Variants in RASAL2 observed in about 807,000 individuals in gnomAD.
RASAL2 encodes ras GTPase-activating protein nGAP.
Under a neutral mutation model 128.9 loss-of-function variants are expected in RASAL2, and 58 were observed. That is an observed-to-expected ratio of 0.45 (90% CI 0.36 to 0.56). The LOEUF (loss-of-function observed/expected upper bound fraction) is 0.56, where lower values mean the gene tolerates loss of function less well. RASAL2 is among the 20% of genes least tolerant of loss of function. The probability of loss-of-function intolerance (pLI) is 0.00; values close to 1 mark genes in which losing one functional copy is unlikely to be tolerated. For missense variants in RASAL2, 1,360 were observed against 1,601.6 expected, an observed-to-expected ratio of 0.85 and a Z score of 2.57; for synonymous variants, 561 against 580.8, an observed-to-expected ratio of 0.97 and a Z score of 0.49.
At chr1:178,200,249 G>A (rs1164327368) in intron 1 of RASAL2, among the ~76,000 whole-genome samples, 2 of 152,150 alleles carry the variant, frequency 1.3e-5, no homozygotes, top group African/African-American at 4.8e-5. Flanking sequence ...TCTGGAGTTG[G>A]CTGCTTAATA....
chr1:178,380,005 G>T (rs6701732), intron 3 of RASAL2, among the ~76,000 whole-genome samples: 41 of 152,208 alleles, frequency 2.7e-4, no homozygotes, highest in African/African-American at 8.9e-4. Context: ...CCCCCTACCC[G>T]TAGTAGCTGG....
chr1:178,269,692 AC>A lies in RASAL2; in HGVS notation c.203-13871del, dbSNP rs1380001498. 2.0e-4 allele frequency among the ~76,000 whole-genome samples: 30 copies of A among 152,356 alleles called. No individual in the cohort carries two copies. The East Asian group carries it at 5.0e-3, about 26-fold the overall frequency. On this transcript the variant is annotated intron_variant, in intron 1 of 17. Coordinates refer to ENST00000367649, the MANE Select transcript of RASAL2 (RefSeq NM_170692.4). Reference sequence around the variant, plus strand: ...CATGACAACGTACCCTATATGGTCCACAAAGGGGAGGCATGAATAATCTACC... The same window carrying A: ...CATGACAACGTACCCTATATGGTCCAAAAGGGGAGGCATGAATAATCTACC...
chr1:178,387,498 A>G (rs901150792), intron 3 of RASAL2, among the ~76,000 whole-genome samples: 1 of 152,048 alleles, frequency 6.6e-6, no homozygotes, highest in African/African-American at 2.4e-5. Context: ...AGCATTAGGT[A>G]TATCTCCTAA....
At chr1:178,463,870 G>A (rs1647363083) in intron 14 of RASAL2, among the ~76,000 whole-genome samples, 1 of 151,992 alleles carries the variant, frequency 6.6e-6, no homozygotes, top group Non-Finnish European at 1.5e-5. Context: ...TGACCATCAG[G>A]TTATGCTTTC....
At chr1:178,448,067 G>A (rs1306464068) in intron 9 of RASAL2, among the ~76,000 whole-genome samples, 1 of 152,140 alleles carries the variant, frequency 6.6e-6, no homozygotes, top group Non-Finnish European at 1.5e-5. Flanking sequence ...TTGTGGAGAG[G>A]TTAAATGAAG....
chr1:178,107,834 C>T (rs903718618), intron 1 of RASAL2, among the ~76,000 whole-genome samples: 1 of 152,018 alleles, frequency 6.6e-6, no homozygotes, highest in Non-Finnish European at 1.5e-5. Context: ...TATGTATAAA[C>T]TATATTTTTT....
rs370972772 is a variant in RASAL2 at position 178,371,322 on chromosome 1, C to CCACACACACACACACACA, written c.458-18765_458-18748dup. 2.2e-3 allele frequency among the ~76,000 whole-genome samples: 268 copies of CCACACACACACACACACA among 124,462 alleles called. 2 individuals are homozygous for CCACACACACACACACACA. Among genetic ancestry groups the CCACACACACACACACACA allele is most frequent in the East Asian group, 6.4e-3 (27 of 4,248 alleles). 81.7% of individuals were successfully genotyped at this position (124,462 alleles called of 152,430 possible). On this transcript the variant is annotated intron_variant, in intron 3 of 17. Coordinates refer to ENST00000367649, the MANE Select transcript of RASAL2 (RefSeq NM_170692.4). ...TTCTTTCAGATTTCAGCCTTCTTTC[C>CCACACACACACACACACA]CACACACACACACACACACACACAC... is the stretch of plus-strand genomic sequence containing the variant.
chr1:178,225,764 CATAT>C (rs140192170), intron 1 of RASAL2, among the ~76,000 whole-genome samples: 2 of 147,326 alleles, frequency 1.4e-5, no homozygotes, highest in Non-Finnish European at 3.0e-5. Context: ...ACTGTACATA[CATAT>C]ATATATATAT....
At chr1:178,236,272 T>C (rs1309608898) in intron 1 of RASAL2, among the ~76,000 whole-genome samples, 1 of 152,194 alleles carries the variant, frequency 6.6e-6, no homozygotes, top group African/African-American at 2.4e-5. Context: ...CAACCTATAA[T>C]AGAATTTATC....
intron 3 of RASAL2, among the ~76,000 whole-genome samples, chr1:178,387,008 C>T (rs1019619974): frequency 3.3e-5 from 5 of 152,126 alleles, no homozygotes; most frequent in African/African-American, 7.2e-5. Context: ...TTGCTCATTC[C>T]GCTCTTGCTA....
At chr1:178,299,916 T>C in intron 2 of RASAL2, 76 bp from the exon 3 acceptor site, 2 of 1,495,644 alleles carry the variant, frequency 1.3e-6, no homozygotes, top group African/African-American at 1.4e-5. Context: ...CTTCTTTGAC[T>C]AAAACCATTA....
intron 1 of RASAL2, among the ~76,000 whole-genome samples, chr1:178,105,686 C>CTT (rs71108025): frequency 4.3e-5 from 6 of 140,708 alleles, no homozygotes; most frequent in East Asian, 2.1e-4. Context: ...TTTTGGGGTT[C>CTT]TTTTTTTTTT....
intron 3 of RASAL2, among the ~76,000 whole-genome samples, chr1:178,306,561 T>G (rs956804247): frequency 3.3e-5 from 5 of 151,850 alleles, no homozygotes; most frequent in Non-Finnish European, 7.4e-5. Flanking sequence ...CAGCACCTGT[T>G]GTTTCCTGAC....
At chr1:178,336,814 G>T (rs1055580759) in intron 3 of RASAL2, among the ~76,000 whole-genome samples, 7 of 151,948 alleles carry the variant, frequency 4.6e-5, no homozygotes, top group Admixed American at 4.6e-4. Flanking sequence ...AATACTTTTA[G>T]TTGCTTTTCA....
At chr1:178,338,204 A>G (rs1346538531) in intron 3 of RASAL2, among the ~76,000 whole-genome samples, 1 of 151,882 alleles carries the variant, frequency 6.6e-6, no homozygotes, top group Non-Finnish European at 1.5e-5. Flanking sequence ...ATCTCGGCTC[A>G]CTGCAACATT....
chr1:178,140,800 A>G (rs1167385562), intron 1 of RASAL2, among the ~76,000 whole-genome samples: 2 of 152,230 alleles, frequency 1.3e-5, no homozygotes, highest in Non-Finnish European at 1.5e-5. Flanking sequence ...GCAAAATCCT[A>G]AGAAGTCCTT....
chr1:178,456,327 T>G (rs1233771000), intron 12 of RASAL2: 3 of 254,400 alleles, frequency 1.2e-5, no homozygotes, highest in African/African-American at 2.2e-5. Flanking sequence ...GTTCTTTTGG[T>G]TAGAAGGAAT....
chr1:178,264,986 A>G (rs949980573), intron 1 of RASAL2, among the ~76,000 whole-genome samples: 3 of 152,136 alleles, frequency 2.0e-5, no homozygotes, highest in Non-Finnish European at 2.9e-5. Context: ...ACTATGAATA[A>G]CAAAAGATGC....
intron 3 of RASAL2, among the ~76,000 whole-genome samples, chr1:178,342,373 A>G (rs185368057): frequency 6.6e-6 from 1 of 152,298 alleles, no homozygotes; most frequent in East Asian, 1.9e-4. Context: ...CATAGAACCA[A>G]TTATATATAG....
Sources: gnomAD v4.1 joint callset for allele counts (sites outside exome capture counted in the v4.1 genomes callset) on GRCh38, gnomAD v4.1.1 for gene constraint, MANE v1.5 for transcripts, NCBI Gene and HGNC (gene_info 2026-07-23, HGNC 2026-07-21) for gene names.